Variants in NFU1 observed in about 807,000 individuals in gnomAD.
NFU1 encodes NFU1 iron-sulfur cluster scaffold.
In NFU1, 30 loss-of-function variants were observed where a neutral mutation model predicts 32.2. The ratio of observed to expected loss-of-function variants is 0.93; its 90% confidence interval spans 0.70 to 1.26. The LOEUF is 1.26. Ranked by LOEUF, NFU1 falls within the 50% of genes most tolerant of loss-of-function variation. NFU1 has a pLI of 0.00. For synonymous variants in NFU1, 112 were observed against 104.6 expected (o/e 1.07, Z -0.43); for missense variants, 306 against 306.6 (o/e 1.00, Z 0.02).
intron 3 of NFU1, among the ~76,000 whole-genome samples, chr2:69,421,504 A>G (rs992906061): frequency 1.4e-5 from 2 of 142,700 alleles, no homozygotes; most frequent in African/African-American, 2.6e-5. Flanking sequence ...AATATTCTTT[A>G]TTATTAACTT....
Position 69,413,338 on chromosome 2 carries a change from T to TAA in NFU1, c.484+1845_484+1846dup, listed in dbSNP as rs199601356. On this transcript the variant is annotated intron_variant, in intron 5 of 7. Transcript: ENST00000410022. The stretch of plus-strand genomic sequence containing the variant: ...TACCATTGTATACCCAACATACGGG[T>TAA]AAAAAAAAAAAAAAGACACTAAATG... Among the ~76,000 whole-genome samples, 505 of 137,112 alleles carry TAA rather than the reference T, an allele frequency of 3.7e-3. 4 individuals carry two copies. Among genetic ancestry groups the TAA allele is most frequent in the African/African-American group, 4.9e-3 (186 of 37,624 alleles). 90.0% of individuals were successfully genotyped at this position (137,112 alleles called of 152,430 possible).
intron 6 of NFU1, among the ~76,000 whole-genome samples, chr2:69,401,196 C>A (rs903741762): frequency 3.3e-5 from 5 of 152,106 alleles, no homozygotes; most frequent in Non-Finnish European, 7.4e-5. Context: ...ACATTTATAA[C>A]CACCCAAACC....
At chr2:69,416,100 AAAAAG>A (rs962059324) in intron 4 of NFU1, 1 of 151,800 alleles carries the variant, frequency 6.6e-6, no homozygotes, top group Non-Finnish European at 1.5e-5. Flanking sequence ...GAAAAGAGAT[AAAAAG>A]AAAAGAAAAG....
chr2:69,414,642 A>G (rs1243464453), intron 5 of NFU1, among the ~76,000 whole-genome samples: 1 of 137,218 alleles, frequency 7.3e-6, no homozygotes, highest in Admixed American at 7.3e-5. Context: ...AAAAAAAAAA[A>G]CAGAGATTTA....
intron 3 of NFU1, 30 bp from the exon 4 acceptor site, chr2:69,419,634 A>C: frequency 3.1e-6 from 4 of 1,284,928 alleles, no homozygotes; most frequent in Non-Finnish European, 4.5e-6. Context: ...AAGAGATATT[A>C]AAATGCTTGA....
At chr2:69,418,290 C>T (rs67938413) in intron 4 of NFU1, among the ~76,000 whole-genome samples, 32,296 of 152,012 alleles carry the variant, frequency 0.21, 4,032 homozygotes, top group African/African-American at 0.34. Context: ...GTCCCAGCTA[C>T]TAGGGAGGCT....
chr2:69,401,809 C>T (rs1672530104), intron 6 of NFU1, among the ~76,000 whole-genome samples: 1 of 152,118 alleles, frequency 6.6e-6, no homozygotes, highest in African/African-American at 2.4e-5. Flanking sequence ...TGGATTTGTA[C>T]AAATATTTAA....
intron 2 of NFU1, among the ~76,000 whole-genome samples, chr2:69,428,239 A>G (rs985836070): frequency 2.6e-5 from 4 of 152,188 alleles, no homozygotes; most frequent in African/African-American, 9.6e-5. Context: ...AGCCTGGTCA[A>G]CATGGTAAAA....
At chr2:69,421,562 C>CTTTTTTTTTT (rs763705011) in intron 3 of NFU1, among the ~76,000 whole-genome samples, 27 of 70,742 alleles carry the variant, frequency 3.8e-4, no homozygotes, top group Middle Eastern at 0.013. Context: ...ATCATTTGTG[C>CTTTTTTTTTT]TTTTTTTTTT....
chr2:69,412,962 A>G (rs975375740), intron 5 of NFU1, among the ~76,000 whole-genome samples: 7 of 152,108 alleles, frequency 4.6e-5, no homozygotes, highest in African/African-American at 1.7e-4. Flanking sequence ...AAACATATGA[A>G]ACTCTTAACA....
chr2:69,414,069 A>C (rs935189468), intron 5 of NFU1, among the ~76,000 whole-genome samples: 4 of 152,124 alleles, frequency 2.6e-5, no homozygotes, highest in Admixed American at 1.3e-4. Context: ...AATAAAAATA[A>C]ATAAACAAAT....
At chr2:69,398,063 C>A (rs1228207150) in intron 7 of NFU1, among the ~76,000 whole-genome samples, 1 of 151,964 alleles carries the variant, frequency 6.6e-6, no homozygotes, top group African/African-American at 2.4e-5. Flanking sequence ...TTCAACAATA[C>A]CCAATCCAAA....
chr2:69,418,763 C>G (rs1673144275), intron 4 of NFU1, among the ~76,000 whole-genome samples: 1 of 152,084 alleles, frequency 6.6e-6, no homozygotes, highest in South Asian at 2.1e-4. Flanking sequence ...GCCACCACAC[C>G]CGGCCCCCAG....
At chr2:69,436,376 T>G (rs1007561329) in intron 1 of NFU1, among the ~76,000 whole-genome samples, 5 of 152,222 alleles carry the variant, frequency 3.3e-5, no homozygotes, top group African/African-American at 9.6e-5. Context: ...CCTTTTTCTA[T>G]AGCTCAGTAT....
chr2:69,437,022 G>C (rs923348628), intron 1 of NFU1, among the ~76,000 whole-genome samples: 3 of 152,252 alleles, frequency 2.0e-5, no homozygotes, highest in African/African-American at 7.2e-5. Context: ...GCACCCGGTA[G>C]AGGGCCTGGG....
intron 2 of NFU1, among the ~76,000 whole-genome samples, chr2:69,424,198 A>AAAAAAAAATATATAT (rs1558840147): frequency 6.7e-5 from 5 of 74,542 alleles, no homozygotes; most frequent in African/African-American, 2.7e-4. Flanking sequence ...AAAAAAAAAA[A>AAAAAAAAATATATAT]ATATATATAT....
intron 3 of NFU1, among the ~76,000 whole-genome samples, chr2:69,420,439 T>C (rs1673199555): frequency 6.6e-6 from 1 of 152,242 alleles, no homozygotes; most frequent in Non-Finnish European, 1.5e-5. Context: ...TATGAACTCA[T>C]TCTTGATGTA....
chr2:69,437,277 C>T, intron 1 of NFU1, 84 bp downstream of exon 1: 3 of 1,537,044 alleles, frequency 2.0e-6, no homozygotes, highest in Admixed American at 2.0e-5. Context: ...CCACCCGCCT[C>T]GAGAGAGGGT....
chr2:69,410,812 T>C (rs1574123250), intron 5 of NFU1: 1 of 152,192 alleles, frequency 6.6e-6, no homozygotes, highest in Non-Finnish European at 1.5e-5. Flanking sequence ...TGAAGAAATG[T>C]TAATTCTCCC....
Sources: allele counts gnomAD v4.1 joint callset (sites outside exome capture counted in the v4.1 genomes callset), GRCh38; gene constraint gnomAD v4.1.1; transcripts MANE v1.5; gene names NCBI Gene and HGNC (gene_info 2026-07-23, HGNC 2026-07-21).